UPRT: variants seen among roughly 807,000 people sequenced by gnomAD.
UPRT encodes the protein RP11-311P8.3.
UPRT carries 5 observed loss-of-function variants against 22.6 expected under a neutral mutation model. The observed-to-expected ratio is 0.22, with a 90% CI of 0.12 to 0.47. UPRT has a LOEUF of 0.47. Among genes scored for constraint, UPRT ranks in the 20% least tolerant of loss-of-function variants. The probability of loss-of-function intolerance (pLI) is 0.99; values close to 1 mark genes in which losing one functional copy is unlikely to be tolerated. For missense variants in UPRT, 181 were observed against 239.9 expected (o/e 0.75, Z 1.62); for synonymous variants, 77 against 87.7 (o/e 0.88, Z 0.68).
chrX:75,235,020 C>A (rs1365256497), intron 4 of UPRT, among the ~76,000 whole-genome samples: 3 of 111,388 alleles, frequency 2.7e-5, no homozygotes, highest in African/African-American at 9.8e-5. Flanking sequence ...AAAAGATCAA[C>A]AAAATTGATA....
intron 4 of UPRT, among the ~76,000 whole-genome samples, chrX:75,263,892 T>C (rs1263926125): frequency 1.8e-5 from 2 of 109,998 alleles, no homozygotes; most frequent in South Asian, 4.1e-4. Flanking sequence ...GCTTTGAATG[T>C]GTCCCAGAGA....
At chrX:75,210,415 G>A (rs1325078265) in intron 4 of UPRT, among the ~76,000 whole-genome samples, 1 of 111,198 alleles carries the variant, frequency 9.0e-6, no homozygotes, top group African/African-American at 3.3e-5. Flanking sequence ...CTTGGAAAAG[G>A]AGCCAATTAT....
intron 4 of UPRT, among the ~76,000 whole-genome samples, chrX:75,218,068 A>G (rs1219659728): frequency 1.8e-5 from 2 of 111,910 alleles, no homozygotes; most frequent in African/African-American, 6.5e-5. Flanking sequence ...GCTTCTGCAC[A>G]GCAAAAGAAA....
upstream of UPRT, among the ~76,000 whole-genome samples, chrX:75,272,289 C>T (rs867245262): frequency 1.9e-5 from 1 of 53,255 alleles, no homozygotes; most frequent in Admixed American, 3.2e-4. Flanking sequence ...TATATATACA[C>T]ATATATATGT....
intron 4 of UPRT, among the ~76,000 whole-genome samples, chrX:75,260,297 G>T (rs1163531739): frequency 3.6e-5 from 4 of 112,234 alleles, no homozygotes; most frequent in African/African-American, 1.3e-4. Flanking sequence ...CCAATTAAAA[G>T]ACACAGACTG....
At chrX:75,236,814 A>T (rs1367704541) in intron 4 of UPRT, among the ~76,000 whole-genome samples, 4 of 112,431 alleles carry the variant, frequency 3.6e-5, no homozygotes, top group African/African-American at 1.3e-4. Context: ...TGGATTAAAG[A>T]CTTAAACGTT....
intron 4 of UPRT, among the ~76,000 whole-genome samples, chrX:75,238,458 C>G (rs891160253): frequency 9.0e-6 from 1 of 111,695 alleles, no homozygotes; most frequent in Non-Finnish European, 1.9e-5. Flanking sequence ...ATGCACCTAA[C>G]ACTGGAGCTT....
At chrX:75,256,880 A>C (rs989247156) in intron 4 of UPRT, among the ~76,000 whole-genome samples, 4 of 111,677 alleles carry the variant, frequency 3.6e-5, no homozygotes, top group Non-Finnish European at 7.5e-5. Flanking sequence ...GTAATTTAAC[A>C]GTTACCAACA....
chrX:75,275,272 A>G (rs1439523136), intron 1 of UPRT, among the ~76,000 whole-genome samples: 1 of 111,886 alleles, frequency 8.9e-6, no homozygotes, highest in African/African-American at 3.3e-5. Flanking sequence ...GCCCTTCCTA[A>G]TCCCACAAAC....
At chrX:75,190,423 T>C (rs2082311004) in intron 4 of UPRT, among the ~76,000 whole-genome samples, 1 of 112,004 alleles carries the variant, frequency 8.9e-6, no homozygotes, top group Non-Finnish European at 1.9e-5. Flanking sequence ...TTTTCCTTCA[T>C]TTCAACTTCG....
At chrX:75,222,417 C>A (rs1257808977) in intron 4 of UPRT, among the ~76,000 whole-genome samples, 1 of 111,873 alleles carries the variant, frequency 8.9e-6, no homozygotes, top group African/African-American at 3.3e-5. Flanking sequence ...CTGTTCTTCC[C>A]TTCTGGTGGC....
At chrX:75,216,778 G>C (rs1033647831) in intron 4 of UPRT, among the ~76,000 whole-genome samples, 2 of 111,916 alleles carry the variant, frequency 1.8e-5, no homozygotes, top group Non-Finnish European at 3.8e-5. Flanking sequence ...TTTTTGAGAC[G>C]GAGTCTCGCT....
chrX:75,168,491 G>A (rs759409025), intron 4 of UPRT, among the ~76,000 whole-genome samples: 2 of 111,110 alleles, frequency 1.8e-5, no homozygotes, highest in South Asian at 3.8e-4. Flanking sequence ...GGTTTTGGGG[G>A]AACAGGTGGT....
chrX:75,172,932 A>C (rs2082233005), intron 4 of UPRT, among the ~76,000 whole-genome samples: 1 of 111,054 alleles, frequency 9.0e-6, no homozygotes, highest in Non-Finnish European at 1.9e-5. Context: ...ACAGTGTGGA[A>C]GGGGACCTGA....
At chrX:75,265,222 G>C (rs1273933522) in intron 4 of UPRT, among the ~76,000 whole-genome samples, 1 of 111,086 alleles carries the variant, frequency 9.0e-6, no homozygotes, top group Non-Finnish European at 1.9e-5. Flanking sequence ...TTTGAATGTT[G>C]GCCTGCCTTG....
chrX:75,220,484 C>T (rs1226145647), intron 4 of UPRT, among the ~76,000 whole-genome samples: 1 of 110,899 alleles, frequency 9.0e-6, no homozygotes, highest in Non-Finnish European at 1.9e-5. Flanking sequence ...TCCCTTCCTT[C>T]TTTCCTTCCT....
chrX:75,238,107 A>C (rs1267080363), intron 4 of UPRT, among the ~76,000 whole-genome samples: 1 of 111,373 alleles, frequency 9.0e-6, no homozygotes, highest in Non-Finnish European at 1.9e-5. Flanking sequence ...TAGCATGATG[A>C]ATAGAGCAGT....
At chrX:75,189,721 C>A (rs1356464674) in intron 4 of UPRT, among the ~76,000 whole-genome samples, 1 of 112,207 alleles carries the variant, frequency 8.9e-6, no homozygotes, top group Non-Finnish European at 1.9e-5. Context: ...GAACTGATCC[C>A]TTTACCATTA....
chrX:75,289,679 C>T (rs1435691068), intron 1 of UPRT, among the ~76,000 whole-genome samples: 3 of 111,145 alleles, frequency 2.7e-5, no homozygotes, highest in Non-Finnish European at 5.7e-5. Context: ...ATTTAATCTT[C>T]AACAATGCCA....
Sources: allele counts gnomAD v4.1 joint callset (sites outside exome capture counted in the v4.1 genomes callset), GRCh38; gene constraint gnomAD v4.1.1; transcripts MANE v1.5; gene names NCBI Gene and HGNC (gene_info 2026-07-23, HGNC 2026-07-21).